Variants in ITSN1 observed in about 807,000 individuals in gnomAD.
The protein encoded by ITSN1 is intersectin 1.
In ITSN1, 58 loss-of-function variants were observed where a neutral mutation model predicts 239.8. That is an observed-to-expected ratio of 0.24 (90% CI 0.20 to 0.30). The LOEUF (loss-of-function observed/expected upper bound fraction) is 0.30, where lower values mean the gene tolerates loss of function less well. Among genes scored for constraint, ITSN1 ranks in the 10% least tolerant of loss-of-function variants. The pLI, the probability that ITSN1 is intolerant of heterozygous loss-of-function variation, is 1.00. For synonymous variants in ITSN1, 780 were observed against 770.8 expected, an observed-to-expected ratio of 1.01 and a Z score of -0.20; for missense variants, 1,558 against 2,103.3, an observed-to-expected ratio of 0.74 and a Z score of 5.07.
intron 1 of ITSN1, among the ~76,000 whole-genome samples, chr21:33,648,579 G>C (rs2088196014): frequency 6.6e-6 from 1 of 152,112 alleles, no homozygotes; most frequent in South Asian, 2.1e-4. Flanking sequence ...CGGTGCTGTG[G>C]GTCACTCCTG....
rs565580300 is a variant in ITSN1 at position 33,856,927 on chromosome 21, A to C, written c.3783+70A>C. The C allele has an allele frequency of 1.2e-4, 168 of 1,454,532 alleles. 2 individuals carry two copies. In the South Asian group the frequency reaches 1.9e-3, roughly 16 times the overall value. 90.1% of individuals were successfully genotyped at this position (1,454,532 alleles called of 1,614,324 possible). On this transcript the variant is annotated intron_variant, in intron 30 of 39. Coordinates refer to ENST00000381318, the MANE Select transcript of ITSN1 (RefSeq NM_003024.3). ...GGAGGGAGAGGGGAGGGTTCCGTCA[A>C]GGAGGTCTATGTCCTGATTCTGAGC...
chr21:33,694,412 A>T (rs566154474), intron 1 of ITSN1, among the ~76,000 whole-genome samples: 1 of 152,356 alleles, frequency 6.6e-6, no homozygotes, highest in South Asian at 2.1e-4. Flanking sequence ...AAATAAAGTC[A>T]TGGTGAATGC....
chr21:33,653,737 T>C (rs1601442778), intron 1 of ITSN1, among the ~76,000 whole-genome samples: 2 of 152,218 alleles, frequency 1.3e-5, no homozygotes, highest in East Asian at 3.9e-4. Context: ...TTAGCCAAGA[T>C]GGCCTCGATC....
chr21:33,708,893 C>T (rs779886603), intron 1 of ITSN1, among the ~76,000 whole-genome samples: 1 of 152,158 alleles, frequency 6.6e-6, no homozygotes, highest in African/African-American at 2.4e-5. Flanking sequence ...TCCAGTTGAT[C>T]CACTTTGTTT....
chr21:33,866,804 A>G (rs923323797), intron 32 of ITSN1, among the ~76,000 whole-genome samples: 1 of 152,246 alleles, frequency 6.6e-6, no homozygotes, highest in East Asian at 1.9e-4. Context: ...AAAACTAGAC[A>G]ATGAGATTTA....
At chr21:33,817,157 A>G (rs1223926436) in intron 22 of ITSN1, 64 of 1,206,668 alleles carry the variant, frequency 5.3e-5, no homozygotes, top group Non-Finnish European at 6.5e-5. Context: ...ATTTTTTACT[A>G]AATGCTTTAA....
intron 1 of ITSN1, among the ~76,000 whole-genome samples, chr21:33,646,160 A>T (rs563113811): frequency 2.0e-5 from 3 of 152,224 alleles, no homozygotes; most frequent in Non-Finnish European, 4.4e-5. Context: ...CACTGATTTT[A>T]TAAATTAGGA....
At chr21:33,763,427 A>T (rs1264269749) in intron 9 of ITSN1, among the ~76,000 whole-genome samples, 1 of 151,950 alleles carries the variant, frequency 6.6e-6, no homozygotes, top group Non-Finnish European at 1.5e-5. Flanking sequence ...GGCCCGATAA[A>T]TCTTTGTTGT....
intron 31 of ITSN1, among the ~76,000 whole-genome samples, chr21:33,859,896 G>A (rs16990975): frequency 0.23 from 34,952 of 152,120 alleles, 4,571 homozygotes; most frequent in East Asian, 0.43. Context: ...ACCCGATGCC[G>A]TGGAAGCCTT....
intron 1 of ITSN1, among the ~76,000 whole-genome samples, chr21:33,697,459 C>A (rs2091847309): frequency 6.6e-6 from 1 of 151,790 alleles, no homozygotes; most frequent in Non-Finnish European, 1.5e-5. Context: ...TAACCTAGGC[C>A]ATTACATTTT....
rs1213077839 is a variant in ITSN1 at position 33,819,272 on chromosome 21, A to C, written c.2965A>C (p.Ser989Arg). 6.2e-7 allele frequency: 1 copy of C among 1,613,944 alleles called. No individual in the cohort carries two copies. Among genetic ancestry groups the C allele is most frequent in the Non-Finnish European group, 8.5e-7 (1 of 1,179,910 alleles). ...MDSGSSESPA[S>R]LKRVASPAAK... ...TTCTGGTTCTTCAGAGAGTCCTGCT[A>C]GTCTAAAGCGAGTAGCCTCTCCAGC... Residue 989 changes from serine to arginine, a missense_variant, in exon 24 of 40, where the codon AGT (serine) becomes CGT (arginine). By Grantham distance (110) the Ser-to-Arg change is moderately radical. Coordinates refer to ENST00000381318, the MANE Select transcript of ITSN1 (RefSeq NM_003024.3).
At chr21:33,666,136 G>A (rs950796883) in intron 1 of ITSN1, among the ~76,000 whole-genome samples, 1 of 152,062 alleles carries the variant, frequency 6.6e-6, no homozygotes, top group African/African-American at 2.4e-5. Flanking sequence ...TCACCATGTT[G>A]GTCAGGCTGG....
intron 29 of ITSN1, among the ~76,000 whole-genome samples, chr21:33,843,803 G>A (rs1482725571): frequency 6.6e-6 from 1 of 152,192 alleles, no homozygotes; most frequent in Non-Finnish European, 1.5e-5. Context: ...TCTTGGGCAA[G>A]TTATGTAACC....
intron 1 of ITSN1, among the ~76,000 whole-genome samples, chr21:33,668,517 C>T (rs183823436): frequency 1.3e-4 from 20 of 152,266 alleles, no homozygotes; most frequent in Non-Finnish European, 2.2e-4. Flanking sequence ...TCTTTACTAC[C>T]GCAGATCCCT....
intron 3 of ITSN1, 34 bp from the exon 4 acceptor site, chr21:33,722,554 T>C (rs1180644317): frequency 6.4e-7 from 1 of 1,550,658 alleles, no homozygotes. Context: ...GTTTTTTTTT[T>C]TTTTTCCTGA....
intron 1 of ITSN1, among the ~76,000 whole-genome samples, chr21:33,682,196 A>G (rs374274437): frequency 6.7e-6 from 1 of 150,018 alleles, no homozygotes; most frequent in Admixed American, 6.6e-5. Context: ...ATATCCTCCT[A>G]TATAATTCCT....
chr21:33,819,206 A>G lies in ITSN1; in HGVS notation c.2934-35A>G, dbSNP rs1359756123. On this transcript the variant is annotated intron_variant, in intron 23 of 39. Transcript: ENST00000381318. ...TCATTGTACGATTTTCTTTGAAGAT[A>G]AAAATTAAAATACTCTCTTCTTCCA... 7 of 1,518,140 alleles carry G rather than the reference A, an allele frequency of 4.6e-6. No individual in the cohort carries two copies. In the East Asian group the frequency reaches 1.6e-4, roughly 34 times the overall value. The allele number at this position is 1,518,140 out of a possible 1,614,324, so 94.0% of individuals were successfully genotyped here. A position where few individuals can be genotyped will look rare whatever the true frequency, so the allele number is the denominator to read the frequency against.
chr21:33,806,385 A>G (rs1340418761), intron 20 of ITSN1, among the ~76,000 whole-genome samples: 1 of 152,212 alleles, frequency 6.6e-6, no homozygotes, highest in Non-Finnish European at 1.5e-5. Context: ...CTTGTTTATC[A>G]TGTTCTATGA....
Position 33,894,720 on chromosome 21 carries a change from G to C in ITSN1, c.*6420G>C, listed in dbSNP as rs555031429. The C allele has an allele frequency of 3.3e-5, 5 of 152,284 alleles. No homozygotes were observed. Among genetic ancestry groups the C allele is most frequent in the African/African-American group, 9.6e-5 (4 of 41,544 alleles). 9.4% of individuals were successfully genotyped at this position (152,284 alleles called of 1,614,324 possible). On this transcript the variant is annotated 3_prime_UTR_variant, in exon 40 of 40. Transcript: ENST00000381318. Reference sequence around the variant, plus strand: ...TGCGACTCTGCTTCTCTTCGCTTTTGCATTTCTCTTTTTTAACTCAAATCT... The same window carrying C: ...TGCGACTCTGCTTCTCTTCGCTTTTCCATTTCTCTTTTTTAACTCAAATCT...
Sources: allele counts gnomAD v4.1 joint callset (sites outside exome capture counted in the v4.1 genomes callset), GRCh38; gene constraint gnomAD v4.1.1; transcripts MANE v1.5; gene names NCBI Gene and HGNC (gene_info 2026-07-23, HGNC 2026-07-21).